The following AGBL4 variants were observed in gnomAD, a reference collection of about 807,000 sequenced individuals.
AGBL4 encodes cytosolic carboxypeptidase 6.
A neutral mutation model predicts 66.4 loss-of-function variants in AGBL4; 58 were observed. The ratio of observed to expected loss-of-function variants is 0.87; its 90% confidence interval spans 0.71 to 1.09. The LOEUF (loss-of-function observed/expected upper bound fraction) is 1.09. AGBL4 is among the 50% of genes least tolerant of loss of function. AGBL4 has a pLI of 0.00. For synonymous variants in AGBL4, 234 were observed against 222.9 expected (o/e 1.05, Z -0.44); for missense variants, 579 against 631.0 (o/e 0.92, Z 0.88).
chr1:49,554,244 A>G (rs772923354), intron 3 of AGBL4, among the ~76,000 whole-genome samples: 1 of 152,138 alleles, frequency 6.6e-6, no homozygotes, highest in Non-Finnish European at 1.5e-5. Context: ...ACAATACTCC[A>G]ACAGTGCTAT....
intron 3 of AGBL4, among the ~76,000 whole-genome samples, chr1:49,306,428 T>C (rs952783284): frequency 1.3e-5 from 2 of 152,230 alleles, no homozygotes; most frequent in African/African-American, 4.8e-5. Flanking sequence ...TCTCAGCCTC[T>C]AGTCTCTGCT....
Position 48,868,771 on chromosome 1 carries a change from A to G in AGBL4, c.595-1541T>C, listed in dbSNP as rs1648362667. Among the ~76,000 whole-genome samples, 4 of 152,186 alleles carry G rather than the reference A, an allele frequency of 2.6e-5. No homozygotes were observed. In the South Asian group the frequency reaches 8.3e-4, roughly 32 times the overall value. ...CCCCCTAAATGTCCCCACCAATTGT[A>G]TAAACTGCTTCTGTTTCATCTTCTT... On this transcript the variant is annotated intron_variant, in intron 5 of 13. Transcript: ENST00000371839.
intron 3 of AGBL4, among the ~76,000 whole-genome samples, chr1:49,275,939 T>C (rs1190771149): frequency 6.6e-6 from 1 of 152,158 alleles, no homozygotes; most frequent in Non-Finnish European, 1.5e-5. Flanking sequence ...GAAAGCTCAC[T>C]TGAACATCTC....
intron 6 of AGBL4, among the ~76,000 whole-genome samples, chr1:48,721,397 G>A (rs984103009): frequency 2.0e-5 from 3 of 152,168 alleles, no homozygotes; most frequent in African/African-American, 7.2e-5. Context: ...TCAATGGCAG[G>A]GAACCAAGGA....
intron 3 of AGBL4, among the ~76,000 whole-genome samples, chr1:49,282,792 C>T (rs570927912): frequency 1.2e-4 from 19 of 152,272 alleles, no homozygotes; most frequent in African/African-American, 4.3e-4. Context: ...CACTCCCACC[C>T]GAATATTGCG....
At chr1:49,126,960 T>C (rs1009400141) in intron 4 of AGBL4, among the ~76,000 whole-genome samples, 1 of 152,142 alleles carries the variant, frequency 6.6e-6, no homozygotes. Flanking sequence ...GTTTTAGCCA[T>C]AGTATATCAC....
intron 10 of AGBL4, among the ~76,000 whole-genome samples, chr1:48,587,613 A>C (rs1644843961): frequency 6.8e-6 from 1 of 146,088 alleles, no homozygotes; most frequent in Non-Finnish European, 1.5e-5. Flanking sequence ...TTTTATTATT[A>C]TTATTTTATT....
chr1:49,647,820 T>G (rs1233919055), intron 3 of AGBL4, among the ~76,000 whole-genome samples: 2 of 144,938 alleles, frequency 1.4e-5, no homozygotes, highest in East Asian at 2.0e-4. Flanking sequence ...GAGAAGCCTA[T>G]GAGAAGTTCA....
chr1:48,886,414 G>C (rs1336038093), intron 5 of AGBL4, among the ~76,000 whole-genome samples: 1 of 152,134 alleles, frequency 6.6e-6, no homozygotes, highest in Non-Finnish European at 1.5e-5. Context: ...TGATTGTTTT[G>C]TCACTGTAAA....
chr1:49,105,398 T>C (rs1448720432), intron 4 of AGBL4, among the ~76,000 whole-genome samples: 1 of 152,128 alleles, frequency 6.6e-6, no homozygotes, highest in Non-Finnish European at 1.5e-5. Flanking sequence ...TAGAGATCTG[T>C]CCATGCCCCA....
chr1:49,756,800 T>C (rs1315635097), intron 2 of AGBL4, among the ~76,000 whole-genome samples: 1 of 152,220 alleles, frequency 6.6e-6, no homozygotes, highest in Non-Finnish European at 1.5e-5. Context: ...CCTTCCACCA[T>C]GATTGTAAGT....
chr1:49,894,080 C>T (rs1254346868), intron 1 of AGBL4, among the ~76,000 whole-genome samples: 1 of 152,158 alleles, frequency 6.6e-6, no homozygotes, highest in Non-Finnish European at 1.5e-5. Context: ...GAGTCTCTGC[C>T]TGCTAATTCA....
In AGBL4 at chr1:50,009,317, G is replaced by A. The variant is rs147736660; in HGVS notation, c.34+14446C>T. ...ACACATTAAAAAGTTCATTCATCAT[G>A]ACCAAGTGGAATTTATCCCAGCAAT... On this transcript the variant is annotated intron_variant, in intron 1 of 13. Coordinates refer to ENST00000371839, the MANE Select transcript of AGBL4 (RefSeq NM_032785.4). Among the ~76,000 whole-genome samples, 1,254 of 152,226 alleles carry A rather than the reference G, an allele frequency of 8.2e-3. 15 individuals carry two copies. The highest frequency in any genetic ancestry group is 0.031 in the Middle Eastern group (9 of 294).
intron 3 of AGBL4, among the ~76,000 whole-genome samples, chr1:49,659,701 A>G (rs1217668182): frequency 6.6e-6 from 1 of 152,202 alleles, no homozygotes; most frequent in Non-Finnish European, 1.5e-5. Context: ...TCAATATTAG[A>G]CAGATCATTG....
At chr1:49,289,754 T>C (rs941388633) in intron 3 of AGBL4, among the ~76,000 whole-genome samples, 50 of 152,148 alleles carry the variant, frequency 3.3e-4, no homozygotes, top group African/African-American at 1.2e-3. Context: ...ATTGCATATA[T>C]GAGAATAGAA....
At chr1:48,968,327 TG>T (rs1229759278) in intron 5 of AGBL4, among the ~76,000 whole-genome samples, 1 of 152,106 alleles carries the variant, frequency 6.6e-6, no homozygotes, top group African/African-American at 2.4e-5. Context: ...TCATTCTAGG[TG>T]AATGCTAAGC....
chr1:48,982,972 G>C (rs558852994), intron 5 of AGBL4, among the ~76,000 whole-genome samples: 99 of 152,192 alleles, frequency 6.5e-4, no homozygotes, highest in African/African-American at 2.1e-3. Flanking sequence ...ATTAAAACAG[G>C]GTTTTACAAG....
At chr1:49,448,007 C>T (rs187318736) in intron 3 of AGBL4, among the ~76,000 whole-genome samples, 472 of 152,194 alleles carry the variant, frequency 3.1e-3, no homozygotes, top group Non-Finnish European at 4.7e-3. Context: ...GGAGAAGGAG[C>T]ATAGATGCTA....
At chr1:49,651,222 A>G (rs985722085) in intron 3 of AGBL4, among the ~76,000 whole-genome samples, 2 of 152,116 alleles carry the variant, frequency 1.3e-5, no homozygotes, top group Admixed American at 1.3e-4. Flanking sequence ...ATGATAGGGA[A>G]AAGGATTGTG....
Sources: allele counts gnomAD v4.1 joint callset (sites outside exome capture counted in the v4.1 genomes callset), GRCh38; gene constraint gnomAD v4.1.1; transcripts MANE v1.5; gene names NCBI Gene and HGNC (gene_info 2026-07-23, HGNC 2026-07-21).